The following UPF3A variants were observed in gnomAD, a reference collection of about 807,000 sequenced individuals.
UPF3A encodes the protein UPF3A regulator of nonsense mediated mRNA decay, also known as regulator of nonsense transcripts 3A.
UPF3A carries 42 observed loss-of-function variants against 53.5 expected under a neutral mutation model. The observed-to-expected ratio is 0.78, with a 90% CI of 0.61 to 1.01. The LOEUF (loss-of-function observed/expected upper bound fraction) is 1.01, where lower values mean the gene tolerates loss of function less well. UPF3A is among the 50% of genes least tolerant of loss of function. UPF3A has a pLI of 0.00. For synonymous variants in UPF3A, 237 were observed against 225.3 expected (o/e 1.05, Z -0.47); for missense variants, 575 against 598.0 (o/e 0.96, Z 0.40).
intron 3 of UPF3A, 118 bp downstream of exon 3, chr13:114,283,061 T>C: frequency 1.2e-6 from 1 of 809,766 alleles, no homozygotes; most frequent in Non-Finnish European, 1.9e-6. Context: ...CTTGCTCTGT[T>C]GCCCAGGCTG....
At chr13:114,303,743 G>A (rs562502982) in intron 9 of UPF3A, among the ~76,000 whole-genome samples, 2 of 152,204 alleles carry the variant, frequency 1.3e-5, no homozygotes, top group South Asian at 2.1e-4. Context: ...CCCAGATTGC[G>A]CCATTGCACT....
rs142262604 is a variant in UPF3A, at chr13:114,290,554, G to A, written c.632-935G>A. ...ATGTCAGCGCAAGTCCCTCTGAGGT[G>A]GGGCCTGTGGGGCCTCTAGCTTGCC... On this transcript the variant is annotated intron_variant, in intron 5 of 9. Coordinates refer to ENST00000375299, the MANE Select transcript of UPF3A (RefSeq NM_023011.4). 2.3e-3 allele frequency among the ~76,000 whole-genome samples: 351 copies of A among 152,238 alleles called. 1 individual carries two copies. Among genetic ancestry groups the A allele is most frequent in the African/African-American group, 8.2e-3 (342 of 41,528 alleles).
intron 8 of UPF3A, among the ~76,000 whole-genome samples, 162 bp downstream of exon 8, chr13:114,299,162 G>A (rs558847333): frequency 7.6e-4 from 116 of 152,308 alleles, no homozygotes; most frequent in Non-Finnish European, 1.5e-3. Context: ...TGGCAGGAAC[G>A]TAGTGAACTC....
At chr13:114,302,393 C>T (rs1157671125) in intron 9 of UPF3A, among the ~76,000 whole-genome samples, 1 of 152,132 alleles carries the variant, frequency 6.6e-6, no homozygotes, top group East Asian at 1.9e-4. Flanking sequence ...TGAATATTCC[C>T]ATGGCTCACA....
At chr13:114,295,839 A>G (rs1020073550) in intron 7 of UPF3A, among the ~76,000 whole-genome samples, 5 of 152,148 alleles carry the variant, frequency 3.3e-5, no homozygotes, top group African/African-American at 1.2e-4. Context: ...TCCTGCACAC[A>G]GCTCCTCAGA....
At chr13:114,282,461 G>A (rs1022890031) in intron 2 of UPF3A, 1 of 985,258 alleles carries the variant, frequency 1.0e-6, no homozygotes, top group East Asian at 1.1e-4. Context: ...GGGCCGGGGG[G>A]CGCCGGCTCT....
intron 7 of UPF3A, among the ~76,000 whole-genome samples, chr13:114,292,133 G>A (rs1291093568): frequency 1.3e-5 from 2 of 148,848 alleles, no homozygotes; most frequent in Non-Finnish European, 3.0e-5. Context: ...TTTCATTTTC[G>A]GCTCAAGGCG....
chr13:114,295,218 AAC>A (rs767423954), intron 7 of UPF3A, among the ~76,000 whole-genome samples: 14 of 152,156 alleles, frequency 9.2e-5, no homozygotes, highest in Admixed American at 3.3e-4. Flanking sequence ...CACATGGGTG[AAC>A]ACACACAGGC....
intron 3 of UPF3A, chr13:114,284,192 T>A (rs984616795): frequency 4.4e-6 from 2 of 450,868 alleles, no homozygotes; most frequent in Non-Finnish European, 5.8e-6. Flanking sequence ...TGAAACCCTG[T>A]CTCTACTAAA....
chr13:114,296,399 T>TA (rs1430997285), intron 7 of UPF3A, among the ~76,000 whole-genome samples: 2 of 151,818 alleles, frequency 1.3e-5, no homozygotes, highest in African/African-American at 4.8e-5. Flanking sequence ...ATAAAAAAAA[T>TA]AGACGGGCCT....
At chr13:114,287,968 A>G (rs999222159) in intron 5 of UPF3A, among the ~76,000 whole-genome samples, 3 of 152,132 alleles carry the variant, frequency 2.0e-5, no homozygotes, top group Admixed American at 6.5e-5. Context: ...CATCATGCCC[A>G]GCTAATTTTT....
At chr13:114,294,279 G>GT (rs549673881) in intron 7 of UPF3A, among the ~76,000 whole-genome samples, 5 of 150,930 alleles carry the variant, frequency 3.3e-5, no homozygotes, top group African/African-American at 9.8e-5. Context: ...TTGGTGGGGG[G>GT]GGGGTTTGAG....
chr13:114,291,923 C>T (rs1214669153), intron 7 of UPF3A, 131 bp downstream of exon 7: 2 of 1,185,682 alleles, frequency 1.7e-6, no homozygotes, highest in Non-Finnish European at 2.3e-6. Flanking sequence ...TTATTTTTTT[C>T]CATCTTTTCC....
At chr13:114,299,192 G>C (rs1471275134) in intron 8 of UPF3A, among the ~76,000 whole-genome samples, 192 bp downstream of exon 8, 1 of 152,192 alleles carries the variant, frequency 6.6e-6, no homozygotes, top group Non-Finnish European at 1.5e-5. Context: ...GCAGTCTCAA[G>C]TCTGTCTTCA....
rs28550764 is a variant in UPF3A at position 114,293,110 on chromosome 13, G to C, written c.846+1318G>C. On this transcript the variant is annotated intron_variant, in intron 7 of 9. Transcript: ENST00000375299. ...AAAAAAAAAAATTTCCTGGCCGGGT[G>C]GGGTGGCTGACACCTATAATCTCAG... Among the ~76,000 whole-genome samples the C allele has an allele frequency of 7.9e-3, 1,174 of 148,116 alleles. 15 individuals are homozygous for C. Among genetic ancestry groups the C allele is most frequent in the African/African-American group, 0.027 (1,097 of 40,312 alleles).
intron 3 of UPF3A, chr13:114,284,246 C>G: frequency 5.5e-6 from 1 of 183,060 alleles, no homozygotes; most frequent in Non-Finnish European, 1.0e-5. Flanking sequence ...CCTGTAGTCC[C>G]AGCTACTCGG....
intron 8 of UPF3A, among the ~76,000 whole-genome samples, 153 bp from the exon 9 acceptor site, chr13:114,301,578 C>T (rs2086611106): frequency 6.6e-6 from 1 of 152,176 alleles, no homozygotes. Context: ...TTTATCAACG[C>T]CTGCTGTGTG....
At chr13:114,299,134 C>T (rs2086346255) in intron 8 of UPF3A, 134 bp downstream of exon 8, 1 of 860,602 alleles carries the variant, frequency 1.2e-6, no homozygotes, top group Non-Finnish European at 1.6e-6. Context: ...ACACGTTAGC[C>T]TTCATTTCCC....
rs2084068946 is a variant in UPF3A, at chr13:114,281,922, G to GGAGGGGAGA, written c.207+82_207+83insAGAGAGGGG. The GGAGGGGAGA allele has an allele frequency of 3.9e-6, 4 of 1,028,842 alleles. No individual in the cohort carries two copies. In the African/African-American group the frequency reaches 6.9e-5, roughly 18 times the overall value. 63.7% of individuals were successfully genotyped at this position (1,028,842 alleles called of 1,614,324 possible). On this transcript the variant is annotated intron_variant, in intron 1 of 9. Coordinates refer to ENST00000375299, the MANE Select transcript of UPF3A (RefSeq NM_023011.4). ...AGTGGAGGGAGGGGAGGGAGGGGAG[G>GGAGGGGAGA]GAGGGGCGGGGGCCGGGCCTCCCAG...
Sources: gnomAD v4.1 joint callset for allele counts (sites outside exome capture counted in the v4.1 genomes callset) on GRCh38, gnomAD v4.1.1 for gene constraint, MANE v1.5 for transcripts, NCBI Gene and HGNC (gene_info 2026-07-23, HGNC 2026-07-21) for gene names.